The following AGPS variants were observed in gnomAD, a reference collection of about 807,000 sequenced individuals.
AGPS encodes alkyldihydroxyacetonephosphate synthase, peroxisomal.
AGPS carries 26 observed loss-of-function variants against 90.7 expected under a neutral mutation model. That is an observed-to-expected ratio of 0.29 (90% CI 0.21 to 0.40). The LOEUF is 0.40. AGPS is among the 10% of genes least tolerant of loss of function. The pLI is 1.00. For missense variants in AGPS, 540 were observed against 816.1 expected, an observed-to-expected ratio of 0.66 and a Z score of 4.12; for synonymous variants, 294 against 285.3, an observed-to-expected ratio of 1.03 and a Z score of -0.31.
intron 2 of AGPS, 69 bp from the exon 3 acceptor site, chr2:177,434,258 G>A (rs1686332229): frequency 1.8e-6 from 2 of 1,134,744 alleles, no homozygotes; most frequent in East Asian, 4.8e-5. Flanking sequence ...ATCACTGGAA[G>A]CAGAATTTAA....
At chr2:177,453,307 T>C (rs1055852950) in intron 8 of AGPS, among the ~76,000 whole-genome samples, 1 of 151,944 alleles carries the variant, frequency 6.6e-6, no homozygotes, top group African/African-American at 2.4e-5. Flanking sequence ...GTTTCACTCT[T>C]GTTACCCAGG....
At chr2:177,460,961 T>C (rs1687274607) in intron 8 of AGPS, among the ~76,000 whole-genome samples, 1 of 152,248 alleles carries the variant, frequency 6.6e-6, no homozygotes, top group African/African-American at 2.4e-5. Context: ...TAATAGGCTT[T>C]CATATTTTGG....
At chr2:177,395,161 T>C (rs1022452957) in intron 1 of AGPS, among the ~76,000 whole-genome samples, 2 of 152,242 alleles carry the variant, frequency 1.3e-5, no homozygotes, top group Non-Finnish European at 2.9e-5. Flanking sequence ...GTACATTTTA[T>C]GTAGATTCAC....
chr2:177,449,547 C>T (rs538609697), intron 8 of AGPS, among the ~76,000 whole-genome samples: 1 of 152,226 alleles, frequency 6.6e-6, no homozygotes, highest in East Asian at 1.9e-4. Context: ...CTTCAGCTTC[C>T]TGAGTAACTG....
intron 11 of AGPS, among the ~76,000 whole-genome samples, chr2:177,491,433 T>C (rs912623818): frequency 1.2e-4 from 18 of 147,702 alleles, no homozygotes; most frequent in East Asian, 2.0e-4. Flanking sequence ...TAATTTCTTT[T>C]TTTTTTTTTT....
chr2:177,460,111 A>G (rs1209348370), intron 8 of AGPS, among the ~76,000 whole-genome samples: 1 of 152,214 alleles, frequency 6.6e-6, no homozygotes, highest in Admixed American at 6.5e-5. Flanking sequence ...TGGGAGTTGA[A>G]CAATGAGTAC....
At chr2:177,498,494 G>A (rs1238459685) in intron 13 of AGPS, among the ~76,000 whole-genome samples, 2 of 150,204 alleles carry the variant, frequency 1.3e-5, no homozygotes, top group Non-Finnish European at 3.0e-5. Context: ...CTTTTTTGGT[G>A]TAAAAGTTTC....
chr2:177,443,365 T>G (rs1187348925), intron 7 of AGPS, among the ~76,000 whole-genome samples: 1 of 152,200 alleles, frequency 6.6e-6, no homozygotes, highest in Non-Finnish European at 1.5e-5. Context: ...TACTCCCTGT[T>G]TTTTTCTTTT....
In AGPS at chr2:177,526,713, T is replaced by C. The variant is rs139078950; in HGVS notation, c.1855+2908T>C. Among the ~76,000 whole-genome samples, 858 of 152,276 alleles carry C rather than the reference T, an allele frequency of 5.6e-3. 9 individuals are homozygous for C. The highest frequency in any genetic ancestry group is 0.02 in the African/African-American group (817 of 41,550). On this transcript the variant is annotated intron_variant, in intron 19 of 19. Transcript: ENST00000264167. The stretch of plus-strand genomic sequence containing the variant: ...GGATTATATTATTGCTACTTTAAGG[T>C]AAGAGTCTGCCCTTTTCTTTGAAGA...
intron 12 of AGPS, among the ~76,000 whole-genome samples, chr2:177,495,331 C>A (rs189890623): frequency 2.0e-4 from 30 of 152,180 alleles, no homozygotes; most frequent in Non-Finnish European, 2.9e-4. Context: ...TTATAAAATT[C>A]TATTCATGAC....
rs570515594 is a variant in AGPS at position 177,459,231 on chromosome 2, T to C, written c.871-2662T>C. Reference sequence around the variant, plus strand: ...ACCATAAAAATCCTAGAAGAAAACCTGGACAATGCCATTTAGGACATAGGC... The same window carrying C: ...ACCATAAAAATCCTAGAAGAAAACCCGGACAATGCCATTTAGGACATAGGC... On this transcript the variant is annotated intron_variant, in intron 8 of 19. Transcript: ENST00000264167. Among the ~76,000 whole-genome samples, 277 of 152,332 alleles carry C rather than the reference T, an allele frequency of 1.8e-3. 2 individuals carry two copies. The highest frequency in any genetic ancestry group is 6.4e-3 in the African/African-American group (268 of 41,570).
chr2:177,401,796 T>C (rs1407516193), intron 1 of AGPS, among the ~76,000 whole-genome samples: 1 of 152,214 alleles, frequency 6.6e-6, no homozygotes, highest in East Asian at 1.9e-4. Context: ...TCTGTCCGCC[T>C]TGGCCTCCCA....
At chr2:177,445,666 T>C (rs1158686007) in intron 8 of AGPS, 40 bp downstream of exon 8, 1 of 1,362,200 alleles carries the variant, frequency 7.3e-7, no homozygotes, top group Non-Finnish European at 1.0e-6. Context: ...AATTAACTTA[T>C]TCTAATATCA....
At chr2:177,406,165 C>T (rs1574342283) in intron 1 of AGPS, among the ~76,000 whole-genome samples, 1 of 152,182 alleles carries the variant, frequency 6.6e-6, no homozygotes, top group East Asian at 1.9e-4. Flanking sequence ...CTCTCATTGC[C>T]ACCAGCCTAG....
chr2:177,456,070 C>T (rs923356592), intron 8 of AGPS, among the ~76,000 whole-genome samples: 1 of 152,022 alleles, frequency 6.6e-6, no homozygotes, highest in Admixed American at 6.6e-5. Context: ...ACTATAATTC[C>T]AGCACTTTGG....
Position 177,500,004 on chromosome 2 carries a change from C to T in AGPS, c.1475+274C>T, listed in dbSNP as rs75088716. Reference sequence around the variant, plus strand: ...TATTATTATTAAACATTGTATTTTTCCTAGATTTTTACATTAATGTCAATT... The same window carrying T: ...TATTATTATTAAACATTGTATTTTTTCTAGATTTTTACATTAATGTCAATT... On this transcript the variant is annotated intron_variant, in intron 14 of 19. Coordinates refer to ENST00000264167, the MANE Select transcript of AGPS (RefSeq NM_003659.4). Among the ~76,000 whole-genome samples, 27 of 151,528 alleles carry T rather than the reference C, an allele frequency of 1.8e-4. No homozygotes were observed. In the East Asian group the frequency reaches 5.2e-3, roughly 29 times the overall value.
intron 1 of AGPS, among the ~76,000 whole-genome samples, chr2:177,396,183 G>A (rs907052741): frequency 6.6e-6 from 1 of 152,184 alleles, no homozygotes; most frequent in African/African-American, 2.4e-5. Context: ...AACAGCATAT[G>A]ACAAAGCAAG....
At chr2:177,497,543 ATATT>A (rs1187826969) in intron 12 of AGPS, 142 bp from the exon 13 acceptor site, 11 of 386,884 alleles carry the variant, frequency 2.8e-5, no homozygotes, top group African/African-American at 1.9e-4. Flanking sequence ...CGTAATATAA[ATATT>A]TATGTAAATA....
At chr2:177,506,292 T>C (rs529523771) in intron 15 of AGPS, among the ~76,000 whole-genome samples, 2 of 151,792 alleles carry the variant, frequency 1.3e-5, no homozygotes, top group East Asian at 3.9e-4. Flanking sequence ...TTTTCAGATA[T>C]CCTATTGAGA....
Sources: gnomAD v4.1 joint callset for allele counts (sites outside exome capture counted in the v4.1 genomes callset) on GRCh38, gnomAD v4.1.1 for gene constraint, MANE v1.5 for transcripts, NCBI Gene and HGNC (gene_info 2026-07-23, HGNC 2026-07-21) for gene names.